RBFOX1: variants seen among roughly 807,000 people sequenced by gnomAD.
The protein encoded by RBFOX1 is RNA binding fox-1 homolog 1.
In RBFOX1, 8 loss-of-function variants were observed where a neutral mutation model predicts 57.7. That is an observed-to-expected ratio of 0.14 (90% confidence interval 0.08 to 0.25). The LOEUF (loss-of-function observed/expected upper bound fraction) is 0.25, where lower values mean the gene tolerates loss of function less well. Ranked by LOEUF, RBFOX1 falls within the 10% of genes least tolerant of loss-of-function variation. RBFOX1 has a pLI of 1.00. For missense variants in RBFOX1, 611 were observed against 548.5 expected, an observed-to-expected ratio of 1.11 and a Z score of -1.14; for synonymous variants, 326 against 222.4, an observed-to-expected ratio of 1.47 and a Z score of -4.15.
chr16:5,714,777 C>T (rs952172516), intron 3 of RBFOX1, among the ~76,000 whole-genome samples: 3 of 152,210 alleles, frequency 2.0e-5, no homozygotes, highest in Non-Finnish European at 4.4e-5. Flanking sequence ...TCACTATAAT[C>T]ATATCAGCCT....
intron 4 of RBFOX1, among the ~76,000 whole-genome samples, chr16:7,139,176 C>CTCTGTGTGTGTGTG (rs372381673): frequency 1.0e-3 from 147 of 145,904 alleles, no homozygotes; most frequent in African/African-American, 3.6e-3. Flanking sequence ...CAATCTCTCT[C>CTCTGTGTGTGTGTG]TGTGTGTGTG....
intron 10 of RBFOX1, among the ~76,000 whole-genome samples, chr16:7,618,135 A>T (rs1342170679): frequency 1.3e-5 from 2 of 152,206 alleles, no homozygotes; most frequent in African/African-American, 4.8e-5. Context: ...CTTCTAGAGA[A>T]AGGTTGCATA....
At chr16:6,473,198 C>T (rs886507090) in intron 2 of RBFOX1, among the ~76,000 whole-genome samples, 3 of 152,156 alleles carry the variant, frequency 2.0e-5, no homozygotes, top group Admixed American at 6.5e-5. Context: ...TCTAGCCCTG[C>T]CTACTTATCT....
At chr16:7,116,833 A>G (rs1180151375) in intron 4 of RBFOX1, among the ~76,000 whole-genome samples, 1 of 152,140 alleles carries the variant, frequency 6.6e-6, no homozygotes, top group East Asian at 1.9e-4. Context: ...CAGGACACAG[A>G]CCATCCCCTC....
chr16:7,686,125 C>A (rs1166737643), intron 14 of RBFOX1, among the ~76,000 whole-genome samples: 1 of 151,536 alleles, frequency 6.6e-6, no homozygotes, highest in African/African-American at 2.4e-5. Context: ...ACACTTAGTT[C>A]TCAGGATATT....
intron 1 of RBFOX1, among the ~76,000 whole-genome samples, chr16:5,267,153 C>A (rs1257374762): frequency 2.0e-5 from 3 of 152,062 alleles, no homozygotes; most frequent in Non-Finnish European, 4.4e-5. Flanking sequence ...AGGACAGAGG[C>A]AGCAAAGCAA....
At chr16:5,759,076 G>A (rs1445557906) in intron 3 of RBFOX1, among the ~76,000 whole-genome samples, 1 of 152,124 alleles carries the variant, frequency 6.6e-6, no homozygotes, top group Non-Finnish European at 1.5e-5. Context: ...AAAATGGGGA[G>A]GCTACTAGTA....
intron 2 of RBFOX1, among the ~76,000 whole-genome samples, chr16:6,344,832 A>C (rs1446483059): frequency 2.7e-5 from 4 of 150,880 alleles, no homozygotes; most frequent in African/African-American, 9.8e-5. Context: ...CTAGGATTAT[A>C]GGCATGTGCC....
At chr16:6,954,470 G>T (rs971403172) in intron 3 of RBFOX1, among the ~76,000 whole-genome samples, 2 of 152,138 alleles carry the variant, frequency 1.3e-5, no homozygotes. Flanking sequence ...ACAAAACTCA[G>T]TTTAAAACGT....
At chr16:5,255,372 C>G (rs1477159867) in intron 1 of RBFOX1, among the ~76,000 whole-genome samples, 5 of 151,908 alleles carry the variant, frequency 3.3e-5, no homozygotes, top group Non-Finnish European at 4.4e-5. Flanking sequence ...ATCCATCCAT[C>G]CATCCATCCA....
intron 6 of RBFOX1, among the ~76,000 whole-genome samples, chr16:7,583,145 CA>C (rs1389755102): frequency 3.1e-4 from 35 of 113,870 alleles, no homozygotes; most frequent in African/African-American, 1.1e-3. Context: ...TCTTCTAGCT[CA>C]TCTTTTTTTT....
chr16:6,563,812 T>A (rs1477224806), intron 2 of RBFOX1, among the ~76,000 whole-genome samples: 1 of 151,362 alleles, frequency 6.6e-6, no homozygotes, highest in Non-Finnish European at 1.5e-5. Context: ...GGAGACACAG[T>A]GGGATCCTGT....
At chr16:5,899,738 C>T (rs2058261356) in intron 4 of RBFOX1, among the ~76,000 whole-genome samples, 1 of 152,174 alleles carries the variant, frequency 6.6e-6, no homozygotes, top group African/African-American at 2.4e-5. Flanking sequence ...CCTGGTCCAT[C>T]CACAGATTCA....
At chr16:6,807,135 C>CT (rs1393151131) in intron 3 of RBFOX1, among the ~76,000 whole-genome samples, 2 of 151,648 alleles carry the variant, frequency 1.3e-5, no homozygotes, top group African/African-American at 2.4e-5. Context: ...TGCCCAGCCT[C>CT]TTTTTTTCCT....
At chr16:5,753,040 G>T (rs1293521180) in intron 3 of RBFOX1, among the ~76,000 whole-genome samples, 1 of 151,944 alleles carries the variant, frequency 6.6e-6, no homozygotes, top group African/African-American at 2.4e-5. Context: ...TACACTTGTA[G>T]TCCCAGCTGC....
chr16:6,272,680 C>G (rs116617826), intron 1 of RBFOX1, among the ~76,000 whole-genome samples: 231 of 152,220 alleles, frequency 1.5e-3, no homozygotes, highest in African/African-American at 5.4e-3. Context: ...TGTTCAAAAA[C>G]AAAACTTCTT....
intron 3 of RBFOX1, among the ~76,000 whole-genome samples, chr16:6,999,225 A>ATTTTTATTTTT (rs200620958): frequency 1.1e-4 from 14 of 122,956 alleles, no homozygotes; most frequent in South Asian, 2.7e-4. Context: ...TATTTTTTTT[A>ATTTTTATTTTT]TTTATTTTTT....
chr16:7,463,921 A>C (rs1017128268), intron 4 of RBFOX1, among the ~76,000 whole-genome samples: 1 of 152,172 alleles, frequency 6.6e-6, no homozygotes, highest in Admixed American at 6.5e-5. Context: ...CTCATTTTAC[A>C]TGTATATTTT....
At chr16:6,168,244 A>G (rs1398620800) in intron 1 of RBFOX1, among the ~76,000 whole-genome samples, 2 of 152,218 alleles carry the variant, frequency 1.3e-5, no homozygotes, top group Non-Finnish European at 2.9e-5. Flanking sequence ...TTCACATGAG[A>G]AAGAAAGAAG....
Sources: allele counts gnomAD v4.1 joint callset (sites outside exome capture counted in the v4.1 genomes callset), GRCh38; gene constraint gnomAD v4.1.1; transcripts MANE v1.5; gene names NCBI Gene and HGNC (gene_info 2026-07-23, HGNC 2026-07-21).